MALRD1: variants seen among roughly 807,000 people sequenced by gnomAD.
The protein encoded by MALRD1 is MAM and LDL receptor class A domain containing 1.
Under a neutral mutation model 242.1 loss-of-function variants are expected in MALRD1, and 247 were observed. The ratio of observed to expected loss-of-function variants is 1.02; its 90% CI spans 0.92 to 1.13. The LOEUF is 1.13. Among genes scored for constraint, MALRD1 ranks in the 50% most tolerant of loss-of-function variants. MALRD1 has a pLI of 0.00. For synonymous variants in MALRD1, 995 were observed against 866.6 expected, an observed-to-expected ratio of 1.15 and a Z score of -2.60; for missense variants, 2,989 against 2,533.1, an observed-to-expected ratio of 1.18 and a Z score of -3.86.
At chr10:19,236,627 C>T (rs2131716948) in intron 18 of MALRD1, among the ~76,000 whole-genome samples, 1 of 152,212 alleles carries the variant, frequency 6.6e-6, no homozygotes, top group South Asian at 2.1e-4. Context: ...TGCTTCACAT[C>T]AGGGAAAATA....
At chr10:19,551,683 G>A (rs76057341) in intron 32 of MALRD1, among the ~76,000 whole-genome samples, 6,418 of 152,076 alleles carry the variant, frequency 0.042, 443 homozygotes, top group African/African-American at 0.15. Context: ...TCTTGAAAGC[G>A]GAATGCTTCT....
At chr10:19,257,867 T>C (rs10763903) in intron 19 of MALRD1, 96 bp downstream of exon 19, 342,678 of 823,458 alleles carry the variant, frequency 0.42, 74,401 homozygotes, top group Admixed American at 0.61. Flanking sequence ...AAATTTCCAA[T>C]ATGACCTTGC....
At chr10:19,270,758 C>A (rs1392571657) in intron 19 of MALRD1, among the ~76,000 whole-genome samples, 2 of 148,270 alleles carry the variant, frequency 1.3e-5, no homozygotes, top group African/African-American at 2.5e-5. Flanking sequence ...TAGCCTAAAG[C>A]AAAGCAAAAC....
At chr10:19,518,749 T>A (rs1833748025) in intron 31 of MALRD1, among the ~76,000 whole-genome samples, 1 of 152,198 alleles carries the variant, frequency 6.6e-6, no homozygotes, top group Admixed American at 6.5e-5. Flanking sequence ...GTTGTTTCAC[T>A]AACAGTCATG....
intron 18 of MALRD1, among the ~76,000 whole-genome samples, chr10:19,245,262 G>T (rs1350098640): frequency 6.6e-6 from 1 of 152,116 alleles, no homozygotes; most frequent in African/African-American, 2.4e-5. Context: ...AAGCAGAATA[G>T]ATTCTTAGGT....
chr10:19,692,352 G>A lies in MALRD1; in HGVS notation c.6208G>A (p.Ala2070Thr), dbSNP rs200652299. ...TCCTCCTGCTACAGACTTCACATAC[G>A]CTCAGAATAGTAGGTGACATTATGA... Reference protein sequence around the residue: ...FNPPATDFTYAQNNTWTLLGI... With the variant: ...FNPPATDFTYTQNNTWTLLGI... The change falls in exon 37 of 40, where the codon GCT (alanine) becomes ACT (threonine). Residue 2070 changes from alanine (A) to threonine (T), a missense_variant. Physicochemically the swap from Ala to Thr is moderately conservative, Grantham distance 58. Transcript: ENST00000454679. The A allele has an allele frequency of 5.5e-5, 85 of 1,534,660 alleles. No individual in the cohort carries two copies. The highest frequency in any genetic ancestry group is 1.7e-4 in the Middle Eastern group (1 of 5,980).
At chr10:19,070,420 C>T (rs556526220) in intron 2 of MALRD1, among the ~76,000 whole-genome samples, 9 of 152,210 alleles carry the variant, frequency 5.9e-5, no homozygotes, top group Admixed American at 3.3e-4. Flanking sequence ...GGTTGTGTCC[C>T]TCTAAAGATA....
In MALRD1 at chr10:19,128,228, T is replaced by A; in HGVS notation, c.951T>A (p.Tyr317Ter). Residue 317 changes from tyrosine to a stop codon, truncating the protein, a stop_gained, in exon 8 of 40, where the codon TAT (tyrosine) becomes TAA (stop). Coordinates refer to ENST00000454679, the MANE Select transcript of MALRD1 (RefSeq NM_001142308.3). LOFTEE classifies it high-confidence loss of function. Reference protein sequence around the residue: ...QDQGGDDEGYYVWVGAKHGFT... With the variant: ...QDQGGDDEGY ...TTTTCTTTTATCTTTCAGGTTATTA[T>A]GTATGGGTAGGCGCTAAGCATGGTT... 2 of 1,233,436 alleles carry A rather than the reference T, an allele frequency of 1.6e-6. No individual in the cohort carries two copies. Among genetic ancestry groups the A allele is most frequent in the Non-Finnish European group, 2.0e-6 (2 of 987,766 alleles). The allele number at this position is 1,233,436 out of a possible 1,614,324, so 76.4% of individuals were successfully genotyped here.
At chr10:19,259,246 T>C (rs1404669023) in intron 19 of MALRD1, among the ~76,000 whole-genome samples, 3 of 152,178 alleles carry the variant, frequency 2.0e-5, no homozygotes, top group Admixed American at 6.5e-5. Context: ...GAATTCACCT[T>C]TCACCAGTGT....
intron 28 of MALRD1, among the ~76,000 whole-genome samples, chr10:19,396,411 A>C (rs1204742816): frequency 6.6e-6 from 1 of 152,076 alleles, no homozygotes; most frequent in Non-Finnish European, 1.5e-5. Flanking sequence ...GCTGGATTAC[A>C]TTCATGAGCC....
chr10:19,521,090 G>A (rs1384513262), intron 31 of MALRD1, among the ~76,000 whole-genome samples: 5 of 152,086 alleles, frequency 3.3e-5, no homozygotes, highest in African/African-American at 1.2e-4. Context: ...GAATGAATCA[G>A]TTCATTTGGA....
chr10:19,079,216 C>T (rs1362145376), intron 2 of MALRD1, among the ~76,000 whole-genome samples: 1 of 151,630 alleles, frequency 6.6e-6, no homozygotes, highest in Non-Finnish European at 1.5e-5. Context: ...TTTCTAACAT[C>T]TCTTGTGATT....
In MALRD1 at chr10:19,130,038, G is replaced by T. The variant is rs1036852944; in HGVS notation, c.1110+1651G>T. ...TATAAATTCTTTTTTAATTGGATGA[G>T]ATATAATTTTCCTGGCATTCTGGAA... is the stretch of plus-strand genomic sequence containing the variant. On this transcript the variant is annotated intron_variant, in intron 8 of 39. Transcript: ENST00000454679. 4.0e-5 allele frequency among the ~76,000 whole-genome samples: 6 copies of T among 151,840 alleles called. 1 individual carries two copies. The highest frequency in any genetic ancestry group is 5.9e-5 in the Non-Finnish European group (4 of 67,950).
chr10:19,600,437 T>C (rs980111249), intron 34 of MALRD1, among the ~76,000 whole-genome samples: 8 of 152,310 alleles, frequency 5.3e-5, no homozygotes, highest in Admixed American at 3.3e-4. Flanking sequence ...TATAGTTTCA[T>C]TGAAAATTAT....
chr10:19,333,615 C>G (rs917945166), intron 24 of MALRD1, among the ~76,000 whole-genome samples: 1 of 152,086 alleles, frequency 6.6e-6, no homozygotes, highest in Non-Finnish European at 1.5e-5. Context: ...CATAGGAATG[C>G]GTGTATCTTT....
intron 36 of MALRD1, among the ~76,000 whole-genome samples, chr10:19,681,849 G>A (rs1228700056): frequency 7.5e-6 from 1 of 133,426 alleles, no homozygotes; most frequent in Non-Finnish European, 1.5e-5. Context: ...TTTTTGTGGG[G>A]GAATGTCACT....
chr10:19,434,193 A>G (rs945420680), intron 28 of MALRD1, among the ~76,000 whole-genome samples: 1 of 152,218 alleles, frequency 6.6e-6, no homozygotes, highest in African/African-American at 2.4e-5. Flanking sequence ...AAAGAACACT[A>G]TTCTAGCAAA....
chr10:19,263,402 G>A (rs919133006), intron 19 of MALRD1, among the ~76,000 whole-genome samples: 2 of 152,052 alleles, frequency 1.3e-5, no homozygotes, highest in African/African-American at 2.4e-5. Flanking sequence ...CTGATAATGA[G>A]TGCCTTTTCA....
intron 24 of MALRD1, among the ~76,000 whole-genome samples, chr10:19,343,944 C>T (rs1240221048): frequency 6.6e-6 from 1 of 152,028 alleles, no homozygotes; most frequent in Non-Finnish European, 1.5e-5. Context: ...ATTTCCTGTG[C>T]TTGTTTATAA....
Sources: gnomAD v4.1 joint callset for allele counts (sites outside exome capture counted in the v4.1 genomes callset) on GRCh38, gnomAD v4.1.1 for gene constraint, MANE v1.5 for transcripts, NCBI Gene and HGNC (gene_info 2026-07-23, HGNC 2026-07-21) for gene names.